TRAF6: variants seen among roughly 807,000 people sequenced by gnomAD.
TRAF6 encodes the protein TNF receptor-associated factor 6.
A neutral mutation model predicts 48.4 loss-of-function variants in TRAF6; 10 were observed. That is an observed-to-expected ratio of 0.21 (90% CI 0.13 to 0.35). TRAF6 has a LOEUF of 0.35. Ranked by LOEUF, TRAF6 falls within the 10% of genes least tolerant of loss-of-function variation. The pLI is 1.00. For missense variants in TRAF6, 397 were observed against 661.0 expected (o/e 0.60, Z 4.38); for synonymous variants, 186 against 219.6 (o/e 0.85, Z 1.35).
chr11:36,492,504 A>T (rs1564965340), intron 6 of TRAF6, 47 bp downstream of exon 6: 2 of 1,386,214 alleles, frequency 1.4e-6, no homozygotes, highest in Non-Finnish European at 2.0e-6. Context: ...TGATGTAAAT[A>T]TTTTTTTTTA....
intron 4 of TRAF6, 86 bp downstream of exon 4, chr11:36,497,022 T>A: frequency 7.2e-7 from 1 of 1,396,026 alleles, no homozygotes; most frequent in East Asian, 2.4e-5. Context: ...AGTCACATCC[T>A]TATCTACTGC....
intron 2 of TRAF6, among the ~76,000 whole-genome samples, chr11:36,499,059 A>G (rs920856786): frequency 7.9e-5 from 12 of 152,210 alleles, no homozygotes; most frequent in African/African-American, 2.7e-4. Context: ...TCTATAATGC[A>G]ATTGCTCAGT....
At chr11:36,491,445 C>T (rs1022612196) in intron 6 of TRAF6, among the ~76,000 whole-genome samples, 1 of 152,078 alleles carries the variant, frequency 6.6e-6, no homozygotes, top group Non-Finnish European at 1.5e-5. Context: ...AATTTTCCCA[C>T]AAAATACAAC....
chr11:36,506,610 G>T (rs537132822), intron 1 of TRAF6, among the ~76,000 whole-genome samples: 2 of 152,120 alleles, frequency 1.3e-5, no homozygotes, highest in African/African-American at 4.8e-5. Context: ...TTCCAGTCCA[G>T]TTCAAAAGGC....
intron 6 of TRAF6, among the ~76,000 whole-genome samples, chr11:36,492,149 TC>T (rs761863446): frequency 1.1e-4 from 17 of 152,198 alleles, no homozygotes; most frequent in Non-Finnish European, 2.4e-4. Context: ...CAAGCTGTCT[TC>T]ACTTAGGTAT....
chr11:36,507,952 C>T (rs1859829710), intron 1 of TRAF6, among the ~76,000 whole-genome samples: 1 of 150,862 alleles, frequency 6.6e-6, no homozygotes, highest in African/African-American at 2.4e-5. Context: ...ACCTCTTGGG[C>T]TCAAGTGATC....
rs573413638 is a variant in TRAF6, at chr11:36,485,119, T to C, written c.*4719A>G. ...GTGATAAAGCAAATGTAACATAATA[T>C]TACTGCAGATTCTAGGTCGTAGATG... On this transcript the variant is annotated 3_prime_UTR_variant, in exon 7 of 7. Coordinates refer to ENST00000526995, the MANE Select transcript of TRAF6 (RefSeq NM_004620.4). 1.3e-5 allele frequency among the ~76,000 whole-genome samples: 2 copies of C among 152,204 alleles called. No individual in the cohort carries two copies. The highest frequency in any genetic ancestry group is 4.2e-4 in the South Asian group (2 of 4,818).
In TRAF6 at chr11:36,494,980, T is replaced by C; in HGVS notation, c.674A>G (p.Glu225Gly). 6.3e-7 allele frequency: 1 copy of C among 1,589,468 alleles called. No homozygotes were observed. The highest frequency in any genetic ancestry group is 8.6e-7 in the Non-Finnish European group (1 of 1,160,960). Residue 225 changes from glutamate to glycine, a missense_variant, in exon 5 of 7, where the codon GAA (glutamate) becomes GGA (glycine). Physicochemically the swap from Glu to Gly is moderately conservative, Grantham distance 98. This residue lies in a region of TRAF6 where 245 missense variants were observed against 349.1 expected (regional missense o/e 0.70). Transcript: ENST00000526995. ...ATTTATGAAAATGAATAATACCTGT[T>C]CTCTGATGAGTATAGTATTGCAGTA... ...CEYCNTILIR[E>G]QMPNHYDLDC... is the part of the protein sequence containing the mutation.
At position 36,492,046 on chromosome 11, in the gene TRAF6, C is replaced by G. The variant is rs60525880; in HGVS notation, c.756+505G>C. ...ATTCTAGACGCCTCCCTCTCCTTCA[C>G]TCATCACATTTATTTAGTCACACAG... On this transcript the variant is annotated intron_variant, in intron 6 of 6. Coordinates refer to ENST00000526995, the MANE Select transcript of TRAF6 (RefSeq NM_004620.4). Among the ~76,000 whole-genome samples, 698 of 152,326 alleles carry G rather than the reference C, an allele frequency of 4.6e-3. 5 individuals carry two copies. The highest frequency in any genetic ancestry group is 0.015 in the African/African-American group (632 of 41,574).
intron 4 of TRAF6, 101 bp from the exon 5 acceptor site, chr11:36,495,148 G>A (rs2133668963): frequency 6.3e-6 from 5 of 799,630 alleles, no homozygotes; most frequent in East Asian, 2.6e-5. Context: ...AAACAAATAA[G>A]GACATCAATT....
intron 2 of TRAF6, among the ~76,000 whole-genome samples, chr11:36,499,624 G>A (rs1310027642): frequency 6.6e-5 from 10 of 152,122 alleles, no homozygotes; most frequent in Admixed American, 6.6e-4. Flanking sequence ...TGGAGGTTGA[G>A]AAAAATCTAC....
Position 36,489,145 on chromosome 11 carries a change from C to A in TRAF6, c.*693G>T, listed in dbSNP as rs1318974208. 1 of 152,374 alleles carries A rather than the reference C, an allele frequency of 6.6e-6. No homozygotes were observed. 9.4% of individuals were successfully genotyped at this position (152,374 alleles called of 1,614,324 possible). A position where few individuals can be genotyped will look rare whatever the true frequency, so the allele number is the denominator to read the frequency against. ...TGGGGAAGATGCTACTTCGTAACCT[C>A]AAGGAAATAAGTAAGCAAGGCAGAA... is the stretch of plus-strand genomic sequence containing the variant. On this transcript the variant is annotated 3_prime_UTR_variant, in exon 7 of 7. Coordinates refer to ENST00000526995, the MANE Select transcript of TRAF6 (RefSeq NM_004620.4).
intron 1 of TRAF6, 153 bp from the exon 2 acceptor site, chr11:36,501,690 T>C: frequency 3.9e-6 from 2 of 517,922 alleles, no homozygotes; most frequent in Admixed American, 3.8e-5. Context: ...AAAAGTGTTT[T>C]GAGCTTTTTC....
At position 36,486,522 on chromosome 11, in the gene TRAF6, A is replaced by G. The variant is rs1859486561; in HGVS notation, c.*3316T>C. On this transcript the variant is annotated 3_prime_UTR_variant, in exon 7 of 7. Coordinates refer to ENST00000526995, the MANE Select transcript of TRAF6 (RefSeq NM_004620.4). ...AACGGTAATAGAGAATTATACTGTG[A>G]CCTGTATAATTTTATATGGGTCACA... 6.6e-6 allele frequency among the ~76,000 whole-genome samples: 1 copy of G among 152,124 alleles called. No individual in the cohort carries two copies. Among genetic ancestry groups the G allele is most frequent in the Non-Finnish European group, 1.5e-5 (1 of 68,032 alleles).
chr11:36,486,231 G>T lies in TRAF6; in HGVS notation c.*3607C>A, dbSNP rs1161256426. ...ATTTTTGTATTTTTATAGAGATGGG[G>T]TTTCACCATTTTGGCCAGGCTGGTC... On this transcript the variant is annotated 3_prime_UTR_variant, in exon 7 of 7. Transcript: ENST00000526995. Among the ~76,000 whole-genome samples, 1 of 152,052 alleles carries T rather than the reference G, an allele frequency of 6.6e-6. No individual in the cohort carries two copies. Among genetic ancestry groups the T allele is most frequent in the Non-Finnish European group, 1.5e-5 (1 of 68,026 alleles).
At chr11:36,507,118 CATGT>C (rs1859797084) in intron 1 of TRAF6, among the ~76,000 whole-genome samples, 1 of 146,388 alleles carries the variant, frequency 6.8e-6, no homozygotes. Context: ...TGTATATATA[CATGT>C]ATTATACATA....
At position 36,487,575 on chromosome 11, in the gene TRAF6, T is replaced by C. The variant is rs1014229671; in HGVS notation, c.*2263A>G. 18 of 152,310 alleles carry C rather than the reference T, an allele frequency of 1.2e-4. No individual in the cohort carries two copies. The highest frequency in any genetic ancestry group is 1.5e-4 in the Non-Finnish European group (10 of 68,024). The allele number at this position is 152,310 out of a possible 1,614,324, so 9.4% of individuals were successfully genotyped here. On this transcript the variant is annotated 3_prime_UTR_variant, in exon 7 of 7. Coordinates refer to ENST00000526995, the MANE Select transcript of TRAF6 (RefSeq NM_004620.4). ...GACATTTTATACTGGCAAAATACTTTCCTAAGTATTGTCATTGTTCTGCTG... is the reference window on the plus strand; with the variant it reads ...GACATTTTATACTGGCAAAATACTTCCCTAAGTATTGTCATTGTTCTGCTG...
intron 1 of TRAF6, among the ~76,000 whole-genome samples, chr11:36,502,762 C>T (rs879537812): frequency 1.3e-5 from 2 of 152,240 alleles, no homozygotes; most frequent in Non-Finnish European, 2.9e-5. Context: ...TTGAATGATA[C>T]GAATTTAACT....
chr11:36,503,510 TC>T (rs1275166364), intron 1 of TRAF6, among the ~76,000 whole-genome samples: 2 of 152,130 alleles, frequency 1.3e-5, no homozygotes, highest in Non-Finnish European at 2.9e-5. Flanking sequence ...CTGGAACTCC[TC>T]ACCTCAAACG....
Sources: gnomAD v4.1 joint callset for allele counts (sites outside exome capture counted in the v4.1 genomes callset) on GRCh38, gnomAD v4.1.1 for gene constraint, gnomAD v4.1.1 regional missense constraint, MANE v1.5 for transcripts, NCBI Gene and HGNC (gene_info 2026-07-23, HGNC 2026-07-21) for gene names.